The following CEP63 variants were observed in gnomAD, a reference collection of about 807,000 sequenced individuals.
The protein encoded by CEP63 is centrosomal protein 63, also known as centrosomal protein of 63 kDa.
In CEP63, 84 loss-of-function variants were observed where a neutral mutation model predicts 89.1. The ratio of observed to expected loss-of-function variants is 0.94; its 90% CI spans 0.79 to 1.13. The LOEUF (loss-of-function observed/expected upper bound fraction) is 1.13. Ranked by LOEUF, CEP63 falls within the 50% of genes most tolerant of loss-of-function variation. The probability of loss-of-function intolerance (pLI) is 0.00; values close to 1 mark genes in which losing one functional copy is unlikely to be tolerated. For missense variants in CEP63, 838 were observed against 813.3 expected, an observed-to-expected ratio of 1.03 and a Z score of -0.37; for synonymous variants, 267 against 272.5, an observed-to-expected ratio of 0.98 and a Z score of 0.20.
At chr3:134,660,177 G>A in the CEP63 span, among the ~76,000 whole-genome samples, 1 of 152,264 alleles carries the variant, frequency 6.6e-6, no homozygotes, top group Non-Finnish European at 1.5e-5. Context: ...AAGCCTGAAA[G>A]TGGGGCATGT....
chr3:134,756,372 C>A, the CEP63 span, among the ~76,000 whole-genome samples: 1 of 152,172 alleles, frequency 6.6e-6, no homozygotes, highest in Non-Finnish European at 1.5e-5. Flanking sequence ...GAGACAGGGT[C>A]TCACTCTGTT....
At chr3:134,579,117 A>G (rs1958287157), downstream of CEP63, among the ~76,000 whole-genome samples, 1 of 152,210 alleles carries the variant, frequency 6.6e-6, no homozygotes, top group African/African-American at 2.4e-5. Flanking sequence ...ACACTTGACA[A>G]CCGTATTTTT....
chr3:134,740,266 TTTTATTTATTTATTTATTTATTTA>T, the CEP63 span, among the ~76,000 whole-genome samples: 1 of 140,860 alleles, frequency 7.1e-6, no homozygotes, highest in Admixed American at 7.1e-5. Context: ...TATTCTTTTC[TTTTATTTATTTATTTATTTATTTA>T]TTTATTTATT....
At chr3:134,636,323 A>G in the CEP63 span, among the ~76,000 whole-genome samples, 1 of 152,206 alleles carries the variant, frequency 6.6e-6, no homozygotes. Context: ...ACAAAGTGCA[A>G]TTCCTCCCAA....
At chr3:134,629,800 C>G in the CEP63 span, 3 of 716,874 alleles carry the variant, frequency 4.2e-6, no homozygotes, top group South Asian at 3.2e-5. Context: ...TTAGAACTTT[C>G]TTTTGTGTGT....
At chr3:134,575,160 C>G (rs1285567075), downstream of CEP63, 47 of 238,114 alleles carry the variant, frequency 2.0e-4, 1 homozygote, top group South Asian at 6.3e-4. Context: ...CCCTCCGTCC[C>G]CCTTCCCCTC....
intron 13 of CEP63, among the ~76,000 whole-genome samples, chr3:134,558,702 T>C (rs948138340): frequency 6.6e-6 from 1 of 152,206 alleles, no homozygotes; most frequent in African/African-American, 2.4e-5. Flanking sequence ...CAATTTGTTA[T>C]AGGCTGTTAC....
At chr3:134,588,220 T>C (rs957409738), downstream of CEP63, among the ~76,000 whole-genome samples, 1 of 151,858 alleles carries the variant, frequency 6.6e-6, no homozygotes, top group African/African-American at 2.4e-5. Context: ...TTGAGGGGGA[T>C]AGAGGTTGCA....
chr3:134,593,510 G>A, the CEP63 span, among the ~76,000 whole-genome samples: 96,771 of 151,998 alleles, frequency 0.64, 31,520 homozygotes, highest in East Asian at 0.81. Context: ...CTCCAGGTGT[G>A]TGCTCTTAGC....
At chr3:134,660,725 G>A in the CEP63 span, among the ~76,000 whole-genome samples, 1 of 152,202 alleles carries the variant, frequency 6.6e-6, no homozygotes, top group Non-Finnish European at 1.5e-5. Context: ...TTGGTGCAGT[G>A]AGTGTGCAAG....
chr3:134,709,121 C>T, the CEP63 span, among the ~76,000 whole-genome samples: 3 of 152,180 alleles, frequency 2.0e-5, no homozygotes, highest in African/African-American at 4.8e-5. Context: ...AGACCTTTGG[C>T]GTAGGAGCCA....
At chr3:134,524,543 G>C (rs537985962) in intron 3 of CEP63, among the ~76,000 whole-genome samples, 6 of 152,226 alleles carry the variant, frequency 3.9e-5, no homozygotes, top group Non-Finnish European at 8.8e-5. Flanking sequence ...TTACTATTTT[G>C]AGGTGCGTTT....
chr3:134,542,007 G>C (rs1163506613), intron 6 of CEP63, among the ~76,000 whole-genome samples: 3 of 151,882 alleles, frequency 2.0e-5, no homozygotes, highest in African/African-American at 7.3e-5. Flanking sequence ...TTTTTCTGTT[G>C]CCTACATAAT....
the CEP63 span, among the ~76,000 whole-genome samples, chr3:134,720,046 C>G: frequency 3.3e-4 from 50 of 152,098 alleles, no homozygotes; most frequent in Non-Finnish European, 3.5e-4. Flanking sequence ...GAGGAACAAA[C>G]AGTTTTCCAA....
At chr3:134,707,695 G>A in the CEP63 span, among the ~76,000 whole-genome samples, 1 of 148,940 alleles carries the variant, frequency 6.7e-6, no homozygotes, top group Non-Finnish European at 1.5e-5. Flanking sequence ...CAGGATAAAT[G>A]CACCCCTGGT....
intron 6 of CEP63, among the ~76,000 whole-genome samples, chr3:134,544,570 CACGATG>C (rs1952778758): frequency 6.7e-6 from 1 of 149,112 alleles, no homozygotes; most frequent in Non-Finnish European, 1.5e-5. Context: ...ATTTTATGGT[CACGATG>C]ACTAATCTAA....
the CEP63 span, among the ~76,000 whole-genome samples, chr3:134,706,499 A>G: frequency 9.9e-5 from 15 of 152,110 alleles, no homozygotes; most frequent in Non-Finnish European, 1.8e-4. Context: ...AGGAGGAGGT[A>G]CCTGTAAGAC....
intron 11 of CEP63, among the ~76,000 whole-genome samples, chr3:134,573,046 CTTGTATGTCTTCTTTTGAGAAGTGTCTGT>C (rs1258998176): frequency 2.0e-5 from 3 of 152,076 alleles, no homozygotes; most frequent in Non-Finnish European, 4.4e-5. Context: ...TTGTTGACTG[CTTGTATGTCTTCTTTTGAGAAGTGTCTGT>C]TCATCTCTTT....
the CEP63 span, among the ~76,000 whole-genome samples, chr3:134,627,249 A>G: frequency 6.6e-6 from 1 of 152,238 alleles, no homozygotes; most frequent in Non-Finnish European, 1.5e-5. Flanking sequence ...ATTTTAAAGC[A>G]AAACAATAGG....
Sources: gnomAD v4.1 joint callset for allele counts (sites outside exome capture counted in the v4.1 genomes callset) on GRCh38, gnomAD v4.1.1 for gene constraint, MANE v1.5 for transcripts, NCBI Gene and HGNC (gene_info 2026-07-23, HGNC 2026-07-21) for gene names.